BCCIP: variants seen among roughly 807,000 people sequenced by gnomAD.
BCCIP encodes the protein BRCA2 and CDKN1A-interacting protein.
A neutral mutation model predicts 32.8 loss-of-function variants in BCCIP; 23 were observed. The ratio of observed to expected loss-of-function variants is 0.70; its 90% CI spans 0.51 to 0.99. The LOEUF (loss-of-function observed/expected upper bound fraction) is 0.99, where lower values mean the gene tolerates loss of function less well. Ranked by LOEUF, BCCIP falls within the 50% of genes least tolerant of loss-of-function variation. The probability of loss-of-function intolerance (pLI) is 0.00; values close to 1 mark genes in which losing one functional copy is unlikely to be tolerated. For synonymous variants in BCCIP, 144 were observed against 137.6 expected (o/e 1.05, Z -0.33); for missense variants, 378 against 379.8 (o/e 1.00, Z 0.04).
chr10:125,835,168 GA>G (rs959643779), intron 6 of BCCIP, among the ~76,000 whole-genome samples: 8 of 151,894 alleles, frequency 5.3e-5, no homozygotes, highest in Non-Finnish European at 2.9e-5. Flanking sequence ...TCTCTGAGGG[GA>G]ACATATTTTC....
At chr10:125,824,799 T>C (rs1486469378) in intron 1 of BCCIP, among the ~76,000 whole-genome samples, 1 of 152,268 alleles carries the variant, frequency 6.6e-6, no homozygotes, top group East Asian at 1.9e-4. Context: ...GGCTTTCTAG[T>C]TCATTTACAA....
intron 7 of BCCIP, chr10:125,852,730 C>G: frequency 8.4e-7 from 1 of 1,190,336 alleles, no homozygotes; most frequent in South Asian, 1.5e-5. Flanking sequence ...CTGCGCAGTA[C>G]TTTACTCCAT....
chr10:125,826,128 A>G (rs1447906823), intron 1 of BCCIP: 1 of 161,112 alleles, frequency 6.2e-6, no homozygotes, highest in Non-Finnish European at 1.3e-5. Context: ...CTTAATGCCT[A>G]TATTCCTTCC....
downstream of BCCIP, among the ~76,000 whole-genome samples, chr10:125,837,345 C>T (rs1854725858): frequency 6.6e-6 from 1 of 152,244 alleles, no homozygotes. Flanking sequence ...GATCCAGACT[C>T]TGTACTGGCC....
downstream of BCCIP, chr10:125,841,077 G>A (rs1209516027): frequency 8.1e-6 from 12 of 1,481,446 alleles, no homozygotes; most frequent in East Asian, 2.3e-5. Context: ...GAGGGGTCAC[G>A]ACTGTTAGTG....
downstream of BCCIP, chr10:125,841,454 T>G: frequency 6.5e-7 from 1 of 1,539,660 alleles, no homozygotes; most frequent in Non-Finnish European, 8.8e-7. Flanking sequence ...GTGACACATT[T>G]TCTTCATCTG....
In BCCIP at chr10:125,836,169, G is replaced by A; in HGVS notation, c.840G>A (p.Trp280Ter). 1.2e-6 allele frequency: 2 copies of A among 1,614,228 alleles called. No individual in the cohort carries two copies. Residue 280 changes from tryptophan (W) to a stop codon, truncating the protein, a stop_gained, in exon 7 of 7, where the codon TGG (tryptophan) becomes TGA (stop). Coordinates refer to ENST00000278100, the MANE Select transcript of BCCIP (RefSeq NM_078468.3). LOFTEE classifies it high-confidence loss of function. The part of the protein sequence containing the change: ...EESDTCLGGK[W>*]SFDDVPMTPL... ...GCGACACTTGTCTGGGAGGCAAATG[G>A]TCTTTTGATGACGTACCAATGACGC...
At chr10:125,853,377 T>C (rs1174011440) in exon 8 of BCCIP, 2 of 489,652 alleles carry the variant, frequency 4.1e-6, no homozygotes, top group Admixed American at 3.2e-5. Flanking sequence ...GAAGTCTCAG[T>C]GTCTTTCAGA....
rs1415238262 is a variant in BCCIP, at chr10:125,836,474, C to T, written c.*200C>T. 7.2e-7 allele frequency: 1 copy of T among 1,391,192 alleles called. No homozygotes were observed. Among genetic ancestry groups the T allele is most frequent in the African/African-American group, 1.5e-5 (1 of 68,744 alleles). 86.2% of individuals were successfully genotyped at this position (1,391,192 alleles called of 1,614,324 possible). ...AAATTATGAGTGGTTGATTTAAAAACTTTTCCAAGAAGAAGAAAAGCATGG... is the reference window on the plus strand; with the variant it reads ...AAATTATGAGTGGTTGATTTAAAAATTTTTCCAAGAAGAAGAAAAGCATGG... On this transcript the variant is annotated 3_prime_UTR_variant, in exon 7 of 7. Transcript: ENST00000278100.
downstream of BCCIP, among the ~76,000 whole-genome samples, chr10:125,840,518 C>A (rs1458201779): frequency 1.3e-5 from 2 of 152,234 alleles, no homozygotes; most frequent in African/African-American, 2.4e-5. Context: ...GGTGGCTGTT[C>A]TTGTCTTCCT....
At position 125,827,279 on chromosome 10, in the gene BCCIP, C is replaced by T. The variant is rs200496716; in HGVS notation, c.241-279C>T. Among the ~76,000 whole-genome samples the T allele has an allele frequency of 1.2e-3, 178 of 152,142 alleles. 4 individuals carry two copies. The East Asian group carries it at 0.023, about 20-fold the overall frequency. On this transcript the variant is annotated intron_variant, in intron 2 of 6. Transcript: ENST00000278100. ...GCCTTTATAGCTCTACCGTCTTTTT[C>T]ACCAAATTCTTTGGCCTTAAGTTTA...
downstream of BCCIP, among the ~76,000 whole-genome samples, chr10:125,844,215 G>T (rs1226142141): frequency 1.3e-5 from 2 of 152,256 alleles, no homozygotes; most frequent in Non-Finnish European, 2.9e-5. Context: ...GGTACAAGAA[G>T]CAGCATCAGA....
At chr10:125,835,589 A>C in intron 6 of BCCIP, among the ~76,000 whole-genome samples, 1 of 145,394 alleles carries the variant, frequency 6.9e-6, no homozygotes, top group South Asian at 2.2e-4. Context: ...AAAAAAAAAA[A>C]ACAAACAAAC....
rs375361394 is a variant in BCCIP at position 125,827,540 on chromosome 10, A to T, written c.241-18A>T. On this transcript the variant is annotated intron_variant, in intron 2 of 6. Coordinates refer to ENST00000278100, the MANE Select transcript of BCCIP (RefSeq NM_078468.3). ...CATGCTTTGATCTTAATTTAAAATA[A>T]TTTTTTCCTCCTTTTAGCTTTTTCT... The T allele has an allele frequency of 2.4e-4, 369 of 1,536,220 alleles. 1 individual carries two copies. In the East Asian group the frequency reaches 6.1e-3, roughly 26 times the overall value.
chr10:125,839,016 G>A (rs373773677), downstream of BCCIP: 108 of 1,613,742 alleles, frequency 6.7e-5, no homozygotes, highest in East Asian at 3.6e-4. Flanking sequence ...TAAAGTAACC[G>A]GACAGAAGAG....
chr10:125,851,772 A>G (rs1944092053), intron 7 of BCCIP, among the ~76,000 whole-genome samples: 1 of 151,958 alleles, frequency 6.6e-6, no homozygotes, highest in Admixed American at 6.6e-5. Flanking sequence ...GGAAATCTAC[A>G]TTAATAAGTG....
chr10:125,836,174 T>C lies in BCCIP; in HGVS notation c.845T>C (p.Phe282Ser). The change falls in exon 7 of 7, where the codon TTT becomes TCT. Residue 282 changes from phenylalanine to serine, a missense_variant. By Grantham distance (155) the Phe-to-Ser change is radical (BLOSUM62 -2). Coordinates refer to ENST00000278100, the MANE Select transcript of BCCIP (RefSeq NM_078468.3). ...ACTTGTCTGGGAGGCAAATGGTCTT[T>C]TGATGACGTACCAATGACGCCCTTG... ...SDTCLGGKWS[F>S]DDVPMTPLRT... 6.2e-7 allele frequency: 1 copy of C among 1,614,264 alleles called. No homozygotes were observed. Among genetic ancestry groups the C allele is most frequent in the Non-Finnish European group, 8.5e-7 (1 of 1,180,042 alleles).
intron 6 of BCCIP, among the ~76,000 whole-genome samples, chr10:125,834,773 T>C (rs981140106): frequency 2.7e-5 from 4 of 150,028 alleles, no homozygotes; most frequent in African/African-American, 9.9e-5. Context: ...ATCGCGCCAC[T>C]GCACTCCAGC....
chr10:125,838,864 A>G, downstream of BCCIP: 4 of 1,051,706 alleles, frequency 3.8e-6, no homozygotes, highest in Non-Finnish European at 5.5e-6. Context: ...ATACTTAAGT[A>G]CCAAATCTTT....
Sources: gnomAD v4.1 joint callset for allele counts (sites outside exome capture counted in the v4.1 genomes callset) on GRCh38, gnomAD v4.1.1 for gene constraint, MANE v1.5 for transcripts, NCBI Gene and HGNC (gene_info 2026-07-23, HGNC 2026-07-21) for gene names.